Variants in NUP35 observed in about 807,000 individuals in gnomAD.
NUP35 encodes the protein nucleoporin NUP35.
In NUP35, 25 loss-of-function variants were observed where a neutral mutation model predicts 41.5. The observed-to-expected ratio is 0.60, with a 90% CI of 0.44 to 0.84. NUP35 has a LOEUF of 0.84. Among genes scored for constraint, NUP35 ranks in the 40% least tolerant of loss-of-function variants. The pLI is 0.00. For missense variants in NUP35, 396 were observed against 396.6 expected (o/e 1.00, Z 0.01); for synonymous variants, 149 against 130.7 (o/e 1.14, Z -0.96).
In NUP35 at chr2:183,158,306, G is replaced by A. The variant is rs776084371; in HGVS notation, c.633G>A (p.Met211Ile). Residue 211 changes from methionine (M) to isoleucine (I), a missense_variant, in exon 7 of 9, where the codon ATG becomes ATA. Met to Ile is a conservative substitution (Grantham distance 10). Coordinates refer to ENST00000295119, the MANE Select transcript of NUP35 (RefSeq NM_138285.5). ...AGATGTCTAATACAGGAAATTGGAT[G>A]CATATTCGTTATCAATCTAAACTGC... ...KHVMSNTGNWMHIRYQSKLQA... is the reference protein window; with the variant it reads ...KHVMSNTGNWIHIRYQSKLQA... The A allele has an allele frequency of 1.0e-5, 16 of 1,597,834 alleles. No individual in the cohort carries two copies. The highest frequency in any genetic ancestry group is 3.4e-4 in the Middle Eastern group (2 of 5,856).
chr2:183,124,220 C>A, upstream of NUP35: 1 of 949,466 alleles, frequency 1.1e-6, no homozygotes, highest in Non-Finnish European at 1.5e-6. Flanking sequence ...GAAAAGCATT[C>A]ACAGAACCAT....
chr2:183,150,337 C>T (rs922160416), intron 4 of NUP35, among the ~76,000 whole-genome samples: 21 of 152,144 alleles, frequency 1.4e-4, no homozygotes, highest in Admixed American at 1.1e-3. Flanking sequence ...CTTCATGATC[C>T]GGCATATTGC....
upstream of NUP35, chr2:183,120,082 GA>G: frequency 6.6e-6 from 1 of 152,384 alleles, no homozygotes; most frequent in African/African-American, 2.4e-5. Context: ...GGAGGCTGAA[GA>G]AAAGGAGGCT....
intron 4 of NUP35, among the ~76,000 whole-genome samples, chr2:183,142,474 G>A (rs909427638): frequency 6.6e-6 from 1 of 151,262 alleles, no homozygotes; most frequent in African/African-American, 2.4e-5. Context: ...TTGGTGGGGG[G>A]TGGTGGGCAC....
chr2:183,131,146 AT>A (rs150480789), intron 3 of NUP35: 337 of 228,242 alleles, frequency 1.5e-3, no homozygotes, highest in South Asian at 3.8e-3. Context: ...GGCTAATTGT[AT>A]TTTTTTTTGT....
chr2:183,150,211 T>A (rs1453444121), intron 4 of NUP35, among the ~76,000 whole-genome samples: 1 of 152,246 alleles, frequency 6.6e-6, no homozygotes, highest in African/African-American at 2.4e-5. Context: ...GCCCTTAAAA[T>A]GCTACCTTTT....
At chr2:183,134,376 G>A (rs1684805468) in intron 4 of NUP35, among the ~76,000 whole-genome samples, 1 of 152,104 alleles carries the variant, frequency 6.6e-6, no homozygotes, top group Non-Finnish European at 1.5e-5. Flanking sequence ...ACATTTTGTG[G>A]AGGAAAAAAT....
intron 4 of NUP35, among the ~76,000 whole-genome samples, chr2:183,142,604 C>T (rs1192449407): frequency 6.6e-6 from 1 of 151,644 alleles, no homozygotes; most frequent in South Asian, 2.1e-4. Context: ...CCTCAGCCTC[C>T]CAAGTAGCTG....
Position 183,151,629 on chromosome 2 carries a change from C to T in NUP35, c.519C>T (p.Asp173=), listed in dbSNP as rs1408001016. 2 of 1,613,598 alleles carry T rather than the reference C, an allele frequency of 1.2e-6. No homozygotes were observed. The highest frequency in any genetic ancestry group is 1.7e-6 in the Non-Finnish European group (2 of 1,179,808). Residue 173 remains aspartate, a synonymous_variant, in exon 5 of 9, where the codon GAC becomes GAT. Transcript: ENST00000295119. Reference sequence around the variant, plus strand: ...TGACTTCAGAAGATCACCTCGATGACTCTTGGGTGACTGTATTTGGGTAAG... The same window carrying T: ...TGACTTCAGAAGATCACCTCGATGATTCTTGGGTGACTGTATTTGGGTAAG... The part of the protein sequence containing the change: ...DSLTSEDHLD[D]SWVTVFGFPQ...
chr2:183,140,463 A>G (rs555142388), intron 4 of NUP35, among the ~76,000 whole-genome samples: 1 of 152,336 alleles, frequency 6.6e-6, no homozygotes, highest in Admixed American at 6.5e-5. Context: ...CAGATTAACT[A>G]TGCTACCATT....
intron 8 of NUP35, 70 bp from the exon 9 acceptor site, chr2:183,160,984 A>G (rs2105628411): frequency 6.1e-6 from 7 of 1,140,334 alleles, no homozygotes; most frequent in East Asian, 2.5e-5. Context: ...TAAATGAGCA[A>G]TTCTAGAATT....
In NUP35 at chr2:183,125,723, A is replaced by G. The variant is rs567040734; in HGVS notation, c.40+1226A>G. 1.2e-3 allele frequency among the ~76,000 whole-genome samples: 178 copies of G among 152,320 alleles called. 2 individuals carry two copies. Among genetic ancestry groups the G allele is most frequent in the Non-Finnish European group, 1.4e-3 (94 of 68,030 alleles). ...TGGGGTTACAAATGTGAGTAAACCAATCCCTGTATATTGCCTTGCCAGAAA... is the reference window on the plus strand; with the variant it reads ...TGGGGTTACAAATGTGAGTAAACCAGTCCCTGTATATTGCCTTGCCAGAAA... On this transcript the variant is annotated intron_variant, in intron 1 of 8. Coordinates refer to ENST00000295119, the MANE Select transcript of NUP35 (RefSeq NM_138285.5).
At chr2:183,159,175 A>G (rs758495657) in intron 7 of NUP35, among the ~76,000 whole-genome samples, 18 of 152,182 alleles carry the variant, frequency 1.2e-4, no homozygotes, top group Non-Finnish European at 2.4e-4. Flanking sequence ...GATTCTTTCC[A>G]ATCCAGGTTT....
chr2:183,155,013 TACTC>T (rs201455943), intron 5 of NUP35, among the ~76,000 whole-genome samples: 6,887 of 152,218 alleles, frequency 0.045, 244 homozygotes, highest in South Asian at 0.15. Context: ...TTGTGAGACT[TACTC>T]ACTATCATGA....
Position 183,158,393 on chromosome 2 carries a change from A to G in NUP35, c.720A>G (p.Val240=). ...TTGGAGAATCCATCATGATTGGTGT[A>G]AAACCATGTATTGACAAAGTAAGTT... is the stretch of plus-strand genomic sequence containing the variant. ...RIFGESIMIG[V]KPCIDKSVME... is the part of the protein sequence containing the mutation. The change falls in exon 7 of 9, where the codon GTA becomes GTG. Residue 240 remains valine (V), a synonymous_variant. Coordinates refer to ENST00000295119, the MANE Select transcript of NUP35 (RefSeq NM_138285.5). 1 of 1,604,080 alleles carries G rather than the reference A, an allele frequency of 6.2e-7. No homozygotes were observed. Among genetic ancestry groups the G allele is most frequent in the Non-Finnish European group, 8.5e-7 (1 of 1,174,066 alleles).
chr2:183,117,988 G>T (rs1367904643), intron 1 of NUP35, among the ~76,000 whole-genome samples: 2 of 152,154 alleles, frequency 1.3e-5, no homozygotes, highest in Non-Finnish European at 2.9e-5. Context: ...GAGTCACCTG[G>T]AGTTGCGATA....
rs1685793087 is a variant in NUP35, at chr2:183,159,566, A to G, written c.817A>G (p.Thr273Ala). The G allele has an allele frequency of 6.2e-7, 1 of 1,613,528 alleles. No homozygotes were observed. The highest frequency in any genetic ancestry group is 2.2e-5 in the East Asian group (1 of 44,820). ...AFTPPIKTLG[T>A]PTQPGSTPRI... Reference sequence around the variant, plus strand: ...TACACCACCAATCAAAACTCTAGGTACACCAACACAACCTGGAAGTACTCC... The same window carrying G: ...TACACCACCAATCAAAACTCTAGGTGCACCAACACAACCTGGAAGTACTCC... Residue 273 changes from threonine (T) to alanine (A), a missense_variant, in exon 8 of 9, where the codon ACA becomes GCA. By Grantham distance (58) the Thr-to-Ala change is moderately conservative (BLOSUM62 0). Transcript: ENST00000295119.
intron 5 of NUP35, among the ~76,000 whole-genome samples, chr2:183,157,084 C>T (rs1477901915): frequency 6.6e-6 from 1 of 151,872 alleles, no homozygotes; most frequent in African/African-American, 2.4e-5. Flanking sequence ...CGTAGTATAC[C>T]TAAATATATT....
At chr2:183,134,929 T>A (rs1040252163) in intron 4 of NUP35, among the ~76,000 whole-genome samples, 1 of 152,052 alleles carries the variant, frequency 6.6e-6, no homozygotes, top group Non-Finnish European at 1.5e-5. Flanking sequence ...CAGCTGGCAA[T>A]AATCTATTTT....
Sources: allele counts gnomAD v4.1 joint callset (sites outside exome capture counted in the v4.1 genomes callset), GRCh38; gene constraint gnomAD v4.1.1; transcripts MANE v1.5; gene names NCBI Gene and HGNC (gene_info 2026-07-23, HGNC 2026-07-21).